TOX3: variants seen among roughly 807,000 people sequenced by gnomAD.
TOX3 encodes the protein TOX high mobility group box family member 3, also known as CAG trinucleotide repeat-containing gene F9 protein.
TOX3 carries 22 observed loss-of-function variants against 64.3 expected under a neutral mutation model. The observed-to-expected ratio is 0.34, with a 90% confidence interval of 0.24 to 0.49. The LOEUF (loss-of-function observed/expected upper bound fraction) is 0.49. TOX3 is among the 20% of genes least tolerant of loss of function. TOX3 has a pLI of 0.99. For synonymous variants in TOX3, 291 were observed against 273.6 expected (o/e 1.06, Z -0.63); for missense variants, 661 against 714.4 (o/e 0.93, Z 0.85).
At chr16:52,516,347 G>A (rs1468669491) in intron 1 of TOX3, among the ~76,000 whole-genome samples, 2 of 152,014 alleles carry the variant, frequency 1.3e-5, no homozygotes, top group Admixed American at 1.3e-4. Flanking sequence ...ACACATAAAT[G>A]AAAACTTTTA....
chr16:52,490,761 C>T (rs1319560611), intron 1 of TOX3, among the ~76,000 whole-genome samples: 1 of 151,426 alleles, frequency 6.6e-6, no homozygotes, highest in Non-Finnish European at 1.5e-5. Context: ...TCCTGAGTAG[C>T]TGGGACTACA....
intron 1 of TOX3, among the ~76,000 whole-genome samples, chr16:52,482,856 A>G (rs1961405004): frequency 6.6e-6 from 1 of 152,184 alleles, no homozygotes; most frequent in Non-Finnish European, 1.5e-5. Flanking sequence ...TACACATTCC[A>G]CAGTGCTGGT....
chr16:52,496,860 C>T (rs1370089380), intron 1 of TOX3, among the ~76,000 whole-genome samples: 1 of 151,124 alleles, frequency 6.6e-6, no homozygotes, highest in African/African-American at 2.4e-5. Flanking sequence ...GGCAGTCTAA[C>T]CTGGGGAAAA....
chr16:52,456,998 TATA>T (rs1330954190), intron 3 of TOX3, among the ~76,000 whole-genome samples: 1 of 152,192 alleles, frequency 6.6e-6, no homozygotes, highest in Non-Finnish European at 1.5e-5. Flanking sequence ...GTCACTATGT[TATA>T]ATATCATGTT....
intron 1 of TOX3, among the ~76,000 whole-genome samples, chr16:52,541,294 G>A (rs1302001346): frequency 6.6e-6 from 1 of 152,142 alleles, no homozygotes; most frequent in Non-Finnish European, 1.5e-5. Flanking sequence ...TTTGTCTGGT[G>A]GCAGTAACCT....
intron 1 of TOX3, among the ~76,000 whole-genome samples, chr16:52,476,329 G>A (rs1015547659): frequency 2.6e-5 from 4 of 152,142 alleles, no homozygotes; most frequent in African/African-American, 7.2e-5. Context: ...GGACACATTT[G>A]AGTCTGTGAA....
intron 1 of TOX3, among the ~76,000 whole-genome samples, chr16:52,507,576 T>C (rs896286574): frequency 6.6e-6 from 1 of 152,220 alleles, no homozygotes; most frequent in Non-Finnish European, 1.5e-5. Flanking sequence ...TACTTCAACA[T>C]ACTCAATTGT....
At chr16:52,481,410 T>C (rs759077591) in intron 1 of TOX3, among the ~76,000 whole-genome samples, 1 of 152,190 alleles carries the variant, frequency 6.6e-6, no homozygotes, top group African/African-American at 2.4e-5. Context: ...AATAAACCTA[T>C]AAATTCTTCC....
chr16:52,464,220 A>G, intron 2 of TOX3, 32 bp from the exon 3 acceptor site: 1 of 1,453,846 alleles, frequency 6.9e-7, no homozygotes, highest in Non-Finnish European at 9.1e-7. Context: ...GTATCTTCAT[A>G]TTCTGTTCCT....
intron 1 of TOX3, among the ~76,000 whole-genome samples, chr16:52,503,791 T>C (rs1037708674): frequency 4.6e-5 from 7 of 152,246 alleles, no homozygotes; most frequent in Admixed American, 4.6e-4. Context: ...GGTAACAACA[T>C]ACATGTTGTA....
rs1261455233 is a variant in TOX3 at position 52,439,436 on chromosome 16, T to A, written c.1520A>T (p.Gln507Leu). 2 of 1,513,264 alleles carry A rather than the reference T, an allele frequency of 1.3e-6. No individual in the cohort carries two copies. Among genetic ancestry groups the A allele is most frequent in the Non-Finnish European group, 1.8e-6 (2 of 1,109,384 alleles). 93.7% of individuals were successfully genotyped at this position (1,513,264 alleles called of 1,614,324 possible). ...LQQQINQQQLQQQLQQRLQLQ... is the reference protein window; with the variant it reads ...LQQQINQQQLLQQLQQRLQLQ... Reference sequence around the variant, plus strand: ...CTGGAGGCGCTGCTGCAGCTGCTGCTGCAGCTGCTGTTGATTAATTTGCTG... The same window carrying A: ...CTGGAGGCGCTGCTGCAGCTGCTGCAGCAGCTGCTGTTGATTAATTTGCTG... The change falls in exon 7 of 7, where the codon CAG (glutamine) becomes CTG (leucine). Residue 507 changes from glutamine (Q) to leucine (L), a missense_variant. Transcript: ENST00000219746.
intron 1 of TOX3, among the ~76,000 whole-genome samples, chr16:52,537,894 A>G (rs1962991179): frequency 1.3e-5 from 2 of 151,340 alleles, no homozygotes; most frequent in South Asian, 4.1e-4. Context: ...AAAAAAAAAA[A>G]AAAAAAGAAA....
At chr16:52,505,911 G>A (rs923759432) in intron 1 of TOX3, among the ~76,000 whole-genome samples, 2 of 152,146 alleles carry the variant, frequency 1.3e-5, no homozygotes, top group South Asian at 2.1e-4. Flanking sequence ...AAGAGATGGC[G>A]GCTGTAGTGA....
intron 1 of TOX3, among the ~76,000 whole-genome samples, chr16:52,485,574 G>A (rs750606928): frequency 6.6e-5 from 10 of 151,888 alleles, no homozygotes; most frequent in Admixed American, 4.6e-4. Flanking sequence ...AGACCAACCC[G>A]ACCAGTTGGG....
Position 52,444,279 on chromosome 16 carries a change from A to G in TOX3, c.984T>C (p.Ser328=). 6.4e-7 allele frequency: 1 copy of G among 1,574,132 alleles called. No homozygotes were observed. The highest frequency in any genetic ancestry group is 8.6e-7 in the Non-Finnish European group (1 of 1,156,260). Residue 328 remains serine (S), a synonymous_variant, in exon 6 of 7, where the codon TCT becomes TCC. Coordinates refer to ENST00000219746, the MANE Select transcript of TOX3 (RefSeq NM_001080430.4). ...GGCCGCCCCTGCCCAGGTTTACCTT[A>G]GAAACGAGGCTGGCCCTGTATGCCG... ...ALAAYRASLV[S]KAAAESAEAQ... is the part of the protein sequence containing the mutation.
rs142152240 is a variant in TOX3 at position 52,527,387 on chromosome 16, G to A, written c.87+19250C>T. Among the ~76,000 whole-genome samples, 137 of 152,214 alleles carry A rather than the reference G, an allele frequency of 9.0e-4. No individual in the cohort carries two copies. In the East Asian group the frequency reaches 0.012, roughly 13 times the overall value. ...TTAACAATTCCTCCTAAATAGCTTT[G>A]TGACTTAGTCCAAGCACCCAGAGAC... On this transcript the variant is annotated intron_variant, in intron 1 of 6. Coordinates refer to ENST00000219746, the MANE Select transcript of TOX3 (RefSeq NM_001080430.4).
chr16:52,483,011 G>A (rs148418377), intron 1 of TOX3, among the ~76,000 whole-genome samples: 3 of 151,918 alleles, frequency 2.0e-5, no homozygotes, highest in Non-Finnish European at 2.9e-5. Flanking sequence ...AATAAACCCC[G>A]TATAATAGGG....
chr16:52,539,381 C>T (rs995147613), intron 1 of TOX3, among the ~76,000 whole-genome samples: 1 of 151,790 alleles, frequency 6.6e-6, no homozygotes, highest in Non-Finnish European at 1.5e-5. Flanking sequence ...TGTTTCCTTC[C>T]AAATAACTAT....
At chr16:52,446,275 C>A in intron 4 of TOX3, 54 bp from the exon 5 acceptor site, 2 of 1,542,620 alleles carry the variant, frequency 1.3e-6, no homozygotes, top group South Asian at 1.2e-5. Flanking sequence ...GAGAATGCAA[C>A]AAGACTTAAC....
Sources: allele counts gnomAD v4.1 joint callset (sites outside exome capture counted in the v4.1 genomes callset), GRCh38; gene constraint gnomAD v4.1.1; transcripts MANE v1.5; gene names NCBI Gene and HGNC (gene_info 2026-07-23, HGNC 2026-07-21).